The following MAPKAPK5 variants were observed in gnomAD, a reference collection of about 807,000 sequenced individuals.
MAPKAPK5 encodes MAP kinase-activated protein kinase 5.
In MAPKAPK5, 30 loss-of-function variants were observed where a neutral mutation model predicts 65.1. That is an observed-to-expected ratio of 0.46 (90% CI 0.34 to 0.63). The LOEUF is 0.63. MAPKAPK5 is among the 20% of genes least tolerant of loss of function. The pLI is 0.01. For synonymous variants in MAPKAPK5, 179 were observed against 204.6 expected (o/e 0.87, Z 1.07); for missense variants, 433 against 581.4 (o/e 0.74, Z 2.63).
At position 111,899,545 on chromosome 12, in the gene MAPKAPK5, T is replaced by G; in HGVS notation, c.*6484T>G. ...ACAGTCCAGGGAGGAGATAGCCCAG[T>G]GGAAGGACTGTCCTACTTGTTACTT... On this transcript the variant is annotated 3_prime_UTR_variant, in exon 14 of 14. Coordinates refer to ENST00000550735, the MANE Select transcript of MAPKAPK5 (RefSeq NM_003668.4). 1 of 202,330 alleles carries G rather than the reference T, an allele frequency of 4.9e-6. No individual in the cohort carries two copies. The highest frequency in any genetic ancestry group is 1.0e-5 in the Non-Finnish European group (1 of 96,982). The allele number at this position is 202,330 out of a possible 1,614,324, so 12.5% of individuals were successfully genotyped here.
intron 12 of MAPKAPK5, 160 bp downstream of exon 12, chr12:111,889,160 T>C (rs2070516494): frequency 1.4e-6 from 1 of 699,326 alleles, no homozygotes; most frequent in Non-Finnish European, 2.2e-6. Flanking sequence ...AGGTAGTCTA[T>C]GCCCACTAAA....
chr12:111,899,997 C>T lies in MAPKAPK5; in HGVS notation c.*6936C>T, dbSNP rs1156525579. On this transcript the variant is annotated 3_prime_UTR_variant, in exon 14 of 14. Transcript: ENST00000550735. ...TGTCGTGGTCAACAACCAGCGGTTC[C>T]AGATGTGGGGCAGTAACGTCAATGA... 1 of 456,070 alleles carries T rather than the reference C, an allele frequency of 2.2e-6. No homozygotes were observed. The allele number at this position is 456,070 out of a possible 1,614,324, so 28.3% of individuals were successfully genotyped here.
At chr12:111,852,011 A>G (rs186362057) in intron 1 of MAPKAPK5, among the ~76,000 whole-genome samples, 23 of 152,326 alleles carry the variant, frequency 1.5e-4, no homozygotes, top group Non-Finnish European at 3.2e-4. Context: ...GCCAGACAGT[A>G]AGGAATAAGA....
rs899034373 is a variant in MAPKAPK5 at position 111,870,432 on chromosome 12, C to T, written c.483+72C>T. ...AGTTCAGGAGTGGGTGTGTTTGGAG[C>T]GCTCTGAATTCATGGTGAAAAAGCT... On this transcript the variant is annotated intron_variant, in intron 6 of 13. Transcript: ENST00000550735. 54 of 1,237,816 alleles carry T rather than the reference C, an allele frequency of 4.4e-5. No homozygotes were observed. The East Asian group carries it at 5.5e-4, about 13-fold the overall frequency. The allele number at this position is 1,237,816 out of a possible 1,614,324, so 76.7% of individuals were successfully genotyped here.
At chr12:111,868,713 T>TC in intron 4 of MAPKAPK5, 40 bp from the exon 5 acceptor site, 1 of 1,452,914 alleles carries the variant, frequency 6.9e-7, no homozygotes, top group East Asian at 2.5e-5. Context: ...TTTTTCTTTT[T>TC]TTTTTTTTTA....
At chr12:111,867,503 TG>T in intron 3 of MAPKAPK5, 68 bp from the exon 4 acceptor site, 1 of 1,073,174 alleles carries the variant, frequency 9.3e-7, no homozygotes, top group Non-Finnish European at 1.4e-6. Flanking sequence ...GTACCTAGTA[TG>T]GTCAGTTTTT....
chr12:111,880,986 ACC>A (rs1053625771), intron 8 of MAPKAPK5, among the ~76,000 whole-genome samples: 13 of 152,208 alleles, frequency 8.5e-5, no homozygotes, highest in Admixed American at 8.5e-4. Flanking sequence ...CCCATAAAAC[ACC>A]CAGCTTAGAA....
Position 111,870,371 on chromosome 12 carries a change from T to A in MAPKAPK5, c.483+11T>A. On this transcript the variant is annotated intron_variant, in intron 6 of 13. Coordinates refer to ENST00000550735, the MANE Select transcript of MAPKAPK5 (RefSeq NM_003668.4). The stretch of plus-strand genomic sequence containing the variant: ...AAGGATAACTCTTTGGTGAGAAGAC[T>A]GTTTTTCTGCATTTTAGTGCTGCAA... 1 of 1,600,888 alleles carries A rather than the reference T, an allele frequency of 6.2e-7. No homozygotes were observed.
At chr12:111,877,921 G>A (rs895464104) in intron 7 of MAPKAPK5, among the ~76,000 whole-genome samples, 2 of 151,822 alleles carry the variant, frequency 1.3e-5, no homozygotes, top group African/African-American at 4.8e-5. Context: ...CGAACTTCTG[G>A]GCTCAAGTGA....
chr12:111,867,711 C>T, intron 4 of MAPKAPK5, 42 bp downstream of exon 4: 1 of 1,453,414 alleles, frequency 6.9e-7, no homozygotes, highest in Non-Finnish European at 9.7e-7. Flanking sequence ...CACATGTAGG[C>T]CAATGTGTAG....
Position 111,901,067 on chromosome 12 carries a change from A to C in MAPKAPK5, c.*8006A>C, listed in dbSNP as rs749724512. 5 of 455,980 alleles carry C rather than the reference A, an allele frequency of 1.1e-5. No individual in the cohort carries two copies. The highest frequency in any genetic ancestry group is 7.7e-5 in the South Asian group (5 of 64,560). 28.2% of individuals were successfully genotyped at this position (455,980 alleles called of 1,614,324 possible). A position where few individuals can be genotyped will look rare whatever the true frequency, so the allele number is the denominator to read the frequency against. ...TATGTTCAGGTATTACAGGCTTACC[A>C]AAAATCAATCTCCAACATACAATGA... On this transcript the variant is annotated 3_prime_UTR_variant, in exon 14 of 14. Transcript: ENST00000550735.
chr12:111,870,982 A>G, intron 6 of MAPKAPK5, 103 bp from the exon 7 acceptor site: 1 of 811,500 alleles, frequency 1.2e-6, no homozygotes, highest in Non-Finnish European at 2.0e-6. Context: ...CTCAGCTGGA[A>G]AGAAACTTGT....
chr12:111,889,868 C>T (rs1478630465), intron 12 of MAPKAPK5, 172 bp from the exon 13 acceptor site: 2 of 564,336 alleles, frequency 3.5e-6, no homozygotes, highest in Admixed American at 3.0e-5. Flanking sequence ...GTCCACATAC[C>T]AGATGCGGTC....
rs2070509641 is a variant in MAPKAPK5, at chr12:111,888,972, G to T, written c.1188G>T (p.Val396=). ...TTGCCTTGGAAAAACTCCGAGATGTGATTGCTCAGTGTATTCTCCCCCAGG... is the reference window on the plus strand; with the variant it reads ...TTGCCTTGGAAAAACTCCGAGATGTTATTGCTCAGTGTATTCTCCCCCAGG... ...SNVALEKLRD[V]IAQCILPQAG... Residue 396 remains valine, a synonymous_variant, in exon 12 of 14, where the codon GTG becomes GTT. Transcript: ENST00000550735. 1 of 1,599,610 alleles carries T rather than the reference G, an allele frequency of 6.3e-7. No individual in the cohort carries two copies. Among genetic ancestry groups the T allele is most frequent in the Non-Finnish European group, 8.5e-7 (1 of 1,172,942 alleles).
intron 1 of MAPKAPK5, chr12:111,843,137 C>G (rs1225864675): frequency 5.0e-6 from 2 of 398,528 alleles, no homozygotes; most frequent in East Asian, 7.1e-5. Flanking sequence ...GTCTACAGAA[C>G]TTGGAGAGTT....
chr12:111,848,949 A>G (rs977548874), intron 1 of MAPKAPK5, among the ~76,000 whole-genome samples: 1 of 151,766 alleles, frequency 6.6e-6, no homozygotes, highest in African/African-American at 2.4e-5. Flanking sequence ...TTTTTAGTAG[A>G]GATGAGGTCT....
At chr12:111,890,487 C>G (rs1042045536) in intron 13 of MAPKAPK5, among the ~76,000 whole-genome samples, 3 of 152,158 alleles carry the variant, frequency 2.0e-5, no homozygotes, top group African/African-American at 7.2e-5. Context: ...TAAGAAGCAA[C>G]AGATGCTGAA....
intron 13 of MAPKAPK5, among the ~76,000 whole-genome samples, chr12:111,891,098 T>C (rs780460210): frequency 1.3e-5 from 2 of 151,930 alleles, no homozygotes; most frequent in Non-Finnish European, 2.9e-5. Flanking sequence ...GTTTTTTGTT[T>C]TGTTTTGTTT....
chr12:111,878,282 T>C (rs2070064373), intron 7 of MAPKAPK5, among the ~76,000 whole-genome samples: 1 of 152,074 alleles, frequency 6.6e-6, no homozygotes, highest in South Asian at 2.1e-4. Flanking sequence ...AGTGTTAGGT[T>C]TTACATTTAG....
Sources: allele counts gnomAD v4.1 joint callset (sites outside exome capture counted in the v4.1 genomes callset), GRCh38; gene constraint gnomAD v4.1.1; transcripts MANE v1.5; gene names NCBI Gene and HGNC (gene_info 2026-07-23, HGNC 2026-07-21).